CRYBG3: variants seen among roughly 807,000 people sequenced by gnomAD.
CRYBG3 encodes crystallin beta-gamma domain containing 3.
A neutral mutation model predicts 244.2 loss-of-function variants in CRYBG3; 127 were observed. That is an observed-to-expected ratio of 0.52 (90% CI 0.45 to 0.60). The LOEUF (loss-of-function observed/expected upper bound fraction) is 0.60. Ranked by LOEUF, CRYBG3 falls within the 20% of genes least tolerant of loss-of-function variation. The pLI is 0.00. For missense variants in CRYBG3, 3,325 were observed against 3,442.5 expected (o/e 0.97, Z 0.85); for synonymous variants, 1,132 against 1,195.8 (o/e 0.95, Z 1.10).
intron 17 of CRYBG3, among the ~76,000 whole-genome samples, chr3:97,923,919 G>A (rs887827435): frequency 6.6e-6 from 1 of 152,032 alleles, no homozygotes; most frequent in East Asian, 1.9e-4. Flanking sequence ...CTCCTTTTAG[G>A]GGGTAGAGGT....
chr3:97,934,570 C>T (rs1177811327), intron 18 of CRYBG3, among the ~76,000 whole-genome samples: 1 of 152,022 alleles, frequency 6.6e-6, no homozygotes, highest in Non-Finnish European at 1.5e-5. Flanking sequence ...TTTTCTATGG[C>T]TTTGAAATTC....
chr3:97,899,845 C>A (rs2039685962), intron 14 of CRYBG3, among the ~76,000 whole-genome samples: 2 of 152,234 alleles, frequency 1.3e-5, no homozygotes, highest in East Asian at 1.9e-4. Context: ...GGATAATAAA[C>A]CCTGTAGAAC....
intron 2 of CRYBG3, among the ~76,000 whole-genome samples, chr3:97,844,071 C>G (rs2038862138): frequency 6.6e-6 from 1 of 152,096 alleles, no homozygotes; most frequent in Admixed American, 6.6e-5. Context: ...GATATGGGCA[C>G]TTTTTAATAT....
At chr3:97,853,392 A>C (rs546316080) in intron 2 of CRYBG3, among the ~76,000 whole-genome samples, 95 of 127,664 alleles carry the variant, frequency 7.4e-4, no homozygotes, top group African/African-American at 2.6e-3. Flanking sequence ...ACACAGACAC[A>C]CACACACATA....
At position 97,899,255 on chromosome 3, in the gene CRYBG3, A is replaced by T; in HGVS notation, c.7963A>T (p.Ile2655Phe). The T allele has an allele frequency of 1.2e-6, 2 of 1,612,240 alleles. No individual in the cohort carries two copies. Among genetic ancestry groups the T allele is most frequent in the Middle Eastern group, 3.3e-4 (2 of 6,052 alleles). Residue 2655 changes from isoleucine (I) to phenylalanine (F), a missense_variant, in exon 14 of 22, where the codon ATC (isoleucine) becomes TTC (phenylalanine). By Grantham distance (21) the Ile-to-Phe change is conservative (BLOSUM62 0). Transcript: ENST00000389622. The stretch of plus-strand genomic sequence containing the variant: ...TAATATAATCATGTCGATACGGCCA[A>T]TCCAACTGGTGAGTGAAGTATGAAC... ...SNNIIMSIRP[I>F]QLEPLGINEP...
chr3:97,941,276 G>A lies in CRYBG3; in HGVS notation c.8634G>A (p.Trp2878Ter). ...SPYSGKNTQI[W>*]YYCRGLFKSK... ...ATAGTGGAAAGAATACTCAGATCTG[G>A]TACTACTGCCGAGGACTCTTTAAAT... The change falls in exon 20 of 22, where the codon TGG (tryptophan) becomes TGA (stop). Residue 2878 changes from tryptophan (W) to a stop codon, truncating the protein, a stop_gained. Coordinates refer to ENST00000389622, the MANE Select transcript of CRYBG3 (RefSeq NM_153605.4). LOFTEE classifies it high-confidence loss of function. The A allele has an allele frequency of 6.2e-7, 1 of 1,610,366 alleles. No homozygotes were observed. Among genetic ancestry groups the A allele is most frequent in the Non-Finnish European group, 8.5e-7 (1 of 1,177,504 alleles).
chr3:97,912,209 G>C lies in CRYBG3; in HGVS notation c.8047G>C (p.Asp2683His). The C allele has an allele frequency of 6.2e-7, 1 of 1,607,544 alleles. No homozygotes were observed. The highest frequency in any genetic ancestry group is 2.3e-5 in the East Asian group (1 of 44,398). The part of the protein sequence containing the change: ...SKPGFQGECI[D>H]FTEETSDLTS... ...ACCAGGGTTCCAAGGTGAATGTATAGATTTTACAGAAGAAACTTCTGATTT... is the reference window on the plus strand; with the variant it reads ...ACCAGGGTTCCAAGGTGAATGTATACATTTTACAGAAGAAACTTCTGATTT... Residue 2683 changes from aspartate (D) to histidine (H), a missense_variant, in exon 16 of 22, where the codon GAT (aspartate) becomes CAT (histidine). Asp to His is a moderately conservative substitution (Grantham distance 81, BLOSUM62 -1). Around this residue, in one of 4 missense-constraint regions of CRYBG3, gnomAD observed 714 missense variants for 803.6 expected, o/e 0.89. Coordinates refer to ENST00000389622, the MANE Select transcript of CRYBG3 (RefSeq NM_153605.4).
chr3:97,879,755 A>C lies in CRYBG3; in HGVS notation c.6888+7A>C. 1 of 1,596,038 alleles carries C rather than the reference A, an allele frequency of 6.3e-7. No homozygotes were observed. The highest frequency in any genetic ancestry group is 8.6e-7 in the Non-Finnish European group (1 of 1,168,892). ...TAACCCAAGACCTGGGAAGGTAAGG[A>C]TAACTTTCTCAAACTAAGATAAAGG... On this transcript the variant is annotated splice_region_variant and intron_variant, in intron 5 of 21. Transcript: ENST00000389622.
rs141505932 is a variant in CRYBG3, at chr3:97,887,440, C to T, written c.7289+673C>T. ...TGTAGGACAACATTTTTGTCTCCCC[C>T]ACATGTGAATTAGAACTTGTGGGCA... On this transcript the variant is annotated intron_variant, in intron 8 of 21. Coordinates refer to ENST00000389622, the MANE Select transcript of CRYBG3 (RefSeq NM_153605.4). Among the ~76,000 whole-genome samples the T allele has an allele frequency of 5.9e-5, 9 of 152,254 alleles. 1 individual carries two copies. The highest frequency in any genetic ancestry group is 2.2e-4 in the African/African-American group (9 of 41,556).
chr3:97,905,192 C>T (rs950123489), intron 15 of CRYBG3, among the ~76,000 whole-genome samples: 28 of 151,780 alleles, frequency 1.8e-4, no homozygotes, highest in African/African-American at 5.3e-4. Context: ...TGAATAATGC[C>T]GCAATAAATA....
intron 15 of CRYBG3, among the ~76,000 whole-genome samples, chr3:97,909,480 C>T (rs1213727877): frequency 1.0e-4 from 15 of 148,964 alleles, no homozygotes; most frequent in African/African-American, 3.0e-4. Context: ...CTTCCCTTCT[C>T]GCTTCATTTC....
In CRYBG3 at chr3:97,875,337, C is replaced by A. The variant is rs1365209406; in HGVS notation, c.4143C>A (p.Phe1381Leu). The A allele has an allele frequency of 7.0e-7, 1 of 1,429,956 alleles. No homozygotes were observed. The allele number at this position is 1,429,956 out of a possible 1,614,324, so 88.6% of individuals were successfully genotyped here. ...AAAATAAAGTATTAAATGAATTCTT[C>A]TCCCTAAGTAACTTAGCTAGTGGCA... is the stretch of plus-strand genomic sequence containing the variant. ...ISENKVLNEF[F>L]SLSNLASGTE... The change falls in exon 4 of 22, where the codon TTC (phenylalanine) becomes TTA (leucine). Residue 1381 changes from phenylalanine (F) to leucine (L), a missense_variant. Phe to Leu is a conservative substitution (Grantham distance 22, BLOSUM62 0). This residue lies in a region of CRYBG3 where 635 missense variants were observed against 771.7 expected (regional missense o/e 0.82). Coordinates refer to ENST00000389622, the MANE Select transcript of CRYBG3 (RefSeq NM_153605.4).
At chr3:97,912,121 A>T (rs373785439) in intron 15 of CRYBG3, 46 bp from the exon 16 acceptor site, 12 of 1,027,794 alleles carry the variant, frequency 1.2e-5, no homozygotes, top group Non-Finnish European at 1.7e-5. Flanking sequence ...GTGATCATCT[A>T]AGACCATTTT....
At chr3:97,860,076 C>T (rs1234660901) in intron 2 of CRYBG3, among the ~76,000 whole-genome samples, 1 of 152,100 alleles carries the variant, frequency 6.6e-6, no homozygotes, top group Non-Finnish European at 1.5e-5. Context: ...AAAGGTTTCC[C>T]ATCTACTTAT....
chr3:97,905,102 C>T (rs1179249605), intron 15 of CRYBG3, among the ~76,000 whole-genome samples: 1 of 152,040 alleles, frequency 6.6e-6, no homozygotes, highest in Non-Finnish European at 1.5e-5. Context: ...CATAGTATTC[C>T]GTGGTATATA....
At chr3:97,835,668 T>C (rs7650564) in intron 1 of CRYBG3, among the ~76,000 whole-genome samples, 108 of 152,268 alleles carry the variant, frequency 7.1e-4, no homozygotes, top group African/African-American at 2.4e-3. Context: ...ACATATATTA[T>C]CTGTTTATCT....
intron 10 of CRYBG3, among the ~76,000 whole-genome samples, chr3:97,890,755 T>C (rs889771238): frequency 9.2e-5 from 14 of 152,170 alleles, no homozygotes; most frequent in Non-Finnish European, 2.9e-5. Flanking sequence ...TGGCAAGATA[T>C]TGAGTTGACA....
At chr3:97,871,764 C>A in intron 3 of CRYBG3, 78 bp from the exon 4 acceptor site, 1 of 1,063,908 alleles carries the variant, frequency 9.4e-7, no homozygotes, top group Non-Finnish European at 1.3e-6. Context: ...AAAAGATGTA[C>A]TTTTACCACA....
intron 1 of CRYBG3, among the ~76,000 whole-genome samples, chr3:97,828,399 A>T (rs909420978): frequency 6.6e-6 from 1 of 152,194 alleles, no homozygotes; most frequent in Non-Finnish European, 1.5e-5. Context: ...ATAGAGTAGA[A>T]TGCCATTCAA....
Sources: allele counts gnomAD v4.1 joint callset (sites outside exome capture counted in the v4.1 genomes callset), GRCh38; gene constraint gnomAD v4.1.1; regional missense constraint gnomAD v4.1.1; transcripts MANE v1.5; gene names NCBI Gene and HGNC (gene_info 2026-07-23, HGNC 2026-07-21).